Variants in FTO observed in about 807,000 individuals in gnomAD.
The protein encoded by FTO is alpha-ketoglutarate-dependent dioxygenase FTO.
Under a neutral mutation model 63.9 loss-of-function variants are expected in FTO, and 47 were observed. The observed-to-expected ratio is 0.74, with a 90% CI of 0.58 to 0.94. The LOEUF (loss-of-function observed/expected upper bound fraction) is 0.94. Among genes scored for constraint, FTO ranks in the 40% least tolerant of loss-of-function variants. The probability of loss-of-function intolerance (pLI) is 0.00; values close to 1 mark genes in which losing one functional copy is unlikely to be tolerated. For missense variants in FTO, 562 were observed against 618.1 expected, an observed-to-expected ratio of 0.91 and a Z score of 0.96; for synonymous variants, 207 against 224.4, an observed-to-expected ratio of 0.92 and a Z score of 0.69.
At chr16:53,725,781 C>T (rs1277484082) in intron 1 of FTO, among the ~76,000 whole-genome samples, 1 of 152,066 alleles carries the variant, frequency 6.6e-6, no homozygotes, top group Non-Finnish European at 1.5e-5. Context: ...CTAGTGTTGC[C>T]TCTGGTGTAG....
chr16:53,974,740 A>G (rs1026786465), intron 8 of FTO, among the ~76,000 whole-genome samples: 2 of 151,144 alleles, frequency 1.3e-5, no homozygotes, highest in African/African-American at 2.5e-5. Context: ...ATGGTGATAA[A>G]TGGATTATCT....
chr16:53,986,112 T>C (rs9935296), intron 8 of FTO, among the ~76,000 whole-genome samples: 5,452 of 152,308 alleles, frequency 0.036, 326 homozygotes, highest in African/African-American at 0.12. Context: ...AATCCTTTGC[T>C]TCTACTGATA....
At chr16:54,095,005 T>C (rs2086482829) in intron 8 of FTO, among the ~76,000 whole-genome samples, 1 of 152,006 alleles carries the variant, frequency 6.6e-6, no homozygotes. Context: ...CTCCATCCCC[T>C]CTCTTTGCCC....
At chr16:53,945,021 C>T (rs930872756) in intron 8 of FTO, among the ~76,000 whole-genome samples, 1 of 152,180 alleles carries the variant, frequency 6.6e-6, no homozygotes, top group Non-Finnish European at 1.5e-5. Flanking sequence ...GAGGGCTGGA[C>T]TCCAGTTTGA....
At chr16:54,069,651 AT>A (rs151142433) in intron 8 of FTO, among the ~76,000 whole-genome samples, 12 of 150,930 alleles carry the variant, frequency 8.0e-5, no homozygotes, top group East Asian at 1.9e-4. Flanking sequence ...CATAAGTATT[AT>A]TTTTTTTTAA....
intron 7 of FTO, among the ~76,000 whole-genome samples, chr16:53,914,038 T>A (rs2081791630): frequency 6.6e-6 from 1 of 151,650 alleles, no homozygotes; most frequent in African/African-American, 2.4e-5. Context: ...CCCTCGGCCT[T>A]CTCGCATTGT....
intron 1 of FTO, among the ~76,000 whole-genome samples, chr16:53,784,372 C>A (rs974603637): frequency 1.3e-5 from 2 of 152,130 alleles, no homozygotes; most frequent in African/African-American, 4.8e-5. Flanking sequence ...AGCTCTTCAA[C>A]CAGATTCAGC....
intron 7 of FTO, among the ~76,000 whole-genome samples, chr16:53,894,165 G>T (rs921360668): frequency 2.0e-5 from 3 of 152,180 alleles, no homozygotes; most frequent in Non-Finnish European, 4.4e-5. Flanking sequence ...GGTAAAGGTT[G>T]TGCCTGACAA....
chr16:53,868,607 T>C (rs1260863387), intron 4 of FTO, among the ~76,000 whole-genome samples: 1 of 152,156 alleles, frequency 6.6e-6, no homozygotes, highest in Non-Finnish European at 1.5e-5. Context: ...GTTATTATTG[T>C]GAATAAATTG....
intron 1 of FTO, among the ~76,000 whole-genome samples, chr16:53,709,842 A>C (rs1458170692): frequency 1.3e-5 from 2 of 152,200 alleles, no homozygotes; most frequent in African/African-American, 4.8e-5. Context: ...ACCCCTAAAT[A>C]GTTCAGCATA....
chr16:53,735,162 C>G (rs2076362955), intron 1 of FTO, among the ~76,000 whole-genome samples: 1 of 152,242 alleles, frequency 6.6e-6, no homozygotes, highest in South Asian at 2.1e-4. Context: ...TTGTTCCACA[C>G]TGGCCAAGGG....
chr16:53,714,435 A>G (rs1299668519), intron 1 of FTO, among the ~76,000 whole-genome samples: 2 of 152,192 alleles, frequency 1.3e-5, no homozygotes, highest in African/African-American at 4.8e-5. Context: ...ACAGCCGTCC[A>G]TTATCTCACT....
intron 8 of FTO, among the ~76,000 whole-genome samples, chr16:54,094,848 G>A (rs1450634658): frequency 1.3e-5 from 2 of 152,106 alleles, no homozygotes; most frequent in Non-Finnish European, 2.9e-5. Context: ...CATTCCTAAG[G>A]GAATCTAGAG....
intron 4 of FTO, among the ~76,000 whole-genome samples, chr16:53,872,984 G>A (rs1318358932): frequency 1.3e-5 from 2 of 152,128 alleles, no homozygotes; most frequent in Non-Finnish European, 2.9e-5. Context: ...TGTGGTTTTA[G>A]GAATATTCTT....
At chr16:54,062,489 A>G (rs2085604619) in intron 8 of FTO, among the ~76,000 whole-genome samples, 1 of 152,166 alleles carries the variant, frequency 6.6e-6, no homozygotes. Context: ...AGCAGGTGAC[A>G]AGAGCTTGGT....
intron 4 of FTO, among the ~76,000 whole-genome samples, chr16:53,853,647 A>G (rs1035365596): frequency 6.6e-6 from 1 of 152,170 alleles, no homozygotes; most frequent in Non-Finnish European, 1.5e-5. Context: ...TGCAAAAGAC[A>G]TGATTTCATT....
At chr16:53,880,625 G>T (rs928835780) in intron 6 of FTO, among the ~76,000 whole-genome samples, 1 of 152,078 alleles carries the variant, frequency 6.6e-6, no homozygotes, top group Non-Finnish European at 1.5e-5. Context: ...GACTTGTTTC[G>T]TGATTCATAG....
intron 8 of FTO, among the ~76,000 whole-genome samples, chr16:54,007,643 G>A (rs889363632): frequency 1.3e-5 from 2 of 152,226 alleles, no homozygotes; most frequent in Admixed American, 6.5e-5. Context: ...TGGCAACAGA[G>A]ACATGGCCCC....
chr16:54,018,047 TATC>T (rs10635158), intron 8 of FTO, among the ~76,000 whole-genome samples: 4 of 151,932 alleles, frequency 2.6e-5, no homozygotes, highest in South Asian at 2.1e-4. Context: ...TGTTGACTTT[TATC>T]ATCATCATCA....
Sources: allele counts gnomAD v4.1 joint callset (sites outside exome capture counted in the v4.1 genomes callset), GRCh38; gene constraint gnomAD v4.1.1; transcripts MANE v1.5; gene names NCBI Gene and HGNC (gene_info 2026-07-23, HGNC 2026-07-21).